COBLL1: variants seen among roughly 807,000 people sequenced by gnomAD.
The protein encoded by COBLL1 is cordon-bleu protein-like 1.
COBLL1 carries 50 observed loss-of-function variants against 94.8 expected under a neutral mutation model. The observed-to-expected ratio is 0.53, with a 90% CI of 0.42 to 0.67. The LOEUF is 0.67. Ranked by LOEUF, COBLL1 falls within the 30% of genes least tolerant of loss-of-function variation. The probability of loss-of-function intolerance (pLI) is 0.00; values close to 1 mark genes in which losing one functional copy is unlikely to be tolerated. For missense variants in COBLL1, 1,362 were observed against 1,348.7 expected, an observed-to-expected ratio of 1.01 and a Z score of -0.15; for synonymous variants, 448 against 473.8, an observed-to-expected ratio of 0.95 and a Z score of 0.71.
intron 2 of COBLL1, among the ~76,000 whole-genome samples, chr2:164,813,011 T>C (rs1684530879): frequency 6.7e-6 from 1 of 150,252 alleles, no homozygotes; most frequent in Admixed American, 6.8e-5. Flanking sequence ...TCAGTACATA[T>C]AAGACCAAAG....
At chr2:164,687,356 G>T in intron 13 of COBLL1, 2 of 714,838 alleles carry the variant, frequency 2.8e-6, no homozygotes, top group Admixed American at 1.9e-5. Flanking sequence ...AGCCATATGA[G>T]CCACTTCTCA....
chr2:164,750,814 T>G (rs905889224), intron 2 of COBLL1, among the ~76,000 whole-genome samples: 1 of 152,186 alleles, frequency 6.6e-6, no homozygotes, highest in Admixed American at 6.5e-5. Flanking sequence ...AGTACTTGGC[T>G]GCCGCACCCC....
At chr2:164,676,036 A>G (rs958741612), downstream of COBLL1, among the ~76,000 whole-genome samples, 2 of 152,230 alleles carry the variant, frequency 1.3e-5, no homozygotes, top group African/African-American at 2.4e-5. Flanking sequence ...AATAGAGTAC[A>G]GGGATTAACA....
intron 9 of COBLL1, 118 bp from the exon 10 acceptor site, chr2:164,700,874 T>C: frequency 3.1e-6 from 2 of 655,102 alleles, no homozygotes; most frequent in East Asian, 5.3e-5. Flanking sequence ...AAATTCTGCC[T>C]CAAAAATAAT....
At chr2:164,677,201 A>C (rs1691353434), downstream of COBLL1, among the ~76,000 whole-genome samples, 1 of 152,144 alleles carries the variant, frequency 6.6e-6, no homozygotes, top group Admixed American at 6.5e-5. Flanking sequence ...ACATTTGCTT[A>C]CTATTATTTA....
chr2:164,690,624 C>A (rs1374210224), intron 13 of COBLL1, among the ~76,000 whole-genome samples: 1 of 152,208 alleles, frequency 6.6e-6, no homozygotes, highest in Non-Finnish European at 1.5e-5. Flanking sequence ...AATATCTTCA[C>A]TGACCTAGTA....
intron 1 of COBLL1, among the ~76,000 whole-genome samples, chr2:164,674,533 T>C (rs1290083746): frequency 6.6e-6 from 1 of 152,214 alleles, no homozygotes; most frequent in Non-Finnish European, 1.5e-5. Context: ...TCCTCATTTA[T>C]AAGACAGAGG....
At chr2:164,791,935 G>C (rs1683209623) in intron 2 of COBLL1, among the ~76,000 whole-genome samples, 1 of 150,774 alleles carries the variant, frequency 6.6e-6, no homozygotes, top group African/African-American at 2.4e-5. Flanking sequence ...AAAACTGACT[G>C]ATCATACACA....
chr2:164,841,400 C>A lies in COBLL1; in HGVS notation c.-50-154G>T. ...TCCACCTGCGGGCCCCGGCTCCCAG[C>A]CCGCGGGCGCCGCCGCCGTCTCTAC... On this transcript the variant is annotated intron_variant, in intron 1 of 13. Transcript: ENST00000652658. The surrounding 1 kb of genome is among the most constrained non-coding windows in gnomAD (Gnocchi z 5.5). The A allele has an allele frequency of 8.6e-7, 1 of 1,168,770 alleles. No homozygotes were observed. The highest frequency in any genetic ancestry group is 1.1e-6 in the Non-Finnish European group (1 of 948,080). 72.4% of individuals were successfully genotyped at this position (1,168,770 alleles called of 1,614,324 possible). A position where few individuals can be genotyped will look rare whatever the true frequency, so the allele number is the denominator to read the frequency against.
intron 2 of COBLL1, among the ~76,000 whole-genome samples, chr2:164,805,337 CTATATATA>C (rs71028444): frequency 1.8e-4 from 3 of 17,054 alleles, no homozygotes; most frequent in South Asian, 2.4e-3. Context: ...CTCTCTCTCT[CTATATATA>C]TATATATATA....
chr2:164,696,589 G>A (rs1683957506), intron 11 of COBLL1: 1 of 152,150 alleles, frequency 6.6e-6, no homozygotes, highest in South Asian at 2.1e-4. Context: ...CAAAATCAAA[G>A]TAGAGAAAAT....
intron 5 of COBLL1, chr2:164,727,012 G>A (rs567446229): frequency 5.1e-5 from 29 of 572,446 alleles, no homozygotes; most frequent in East Asian, 3.9e-4. Flanking sequence ...GAATGAACAC[G>A]TTAGTGATGT....
chr2:164,841,399 G>GC lies in COBLL1; in HGVS notation c.-50-154dup. On this transcript the variant is annotated intron_variant, in intron 1 of 13. Coordinates refer to ENST00000652658, the MANE Select transcript of COBLL1 (RefSeq NM_001365672.2). The surrounding 1 kb of genome is among the most constrained non-coding windows in gnomAD (Gnocchi z 5.5). ...TTCCACCTGCGGGCCCCGGCTCCCA[G>GC]CCCGCGGGCGCCGCCGCCGTCTCTA... 8.6e-7 allele frequency: 1 copy of GC among 1,168,830 alleles called. No homozygotes were observed. The highest frequency in any genetic ancestry group is 1.1e-6 in the Non-Finnish European group (1 of 948,090). 72.4% of individuals were successfully genotyped at this position (1,168,830 alleles called of 1,614,324 possible).
chr2:164,781,741 T>C (rs1688733202), intron 2 of COBLL1, among the ~76,000 whole-genome samples: 1 of 152,160 alleles, frequency 6.6e-6, no homozygotes, highest in Admixed American at 6.5e-5. Flanking sequence ...AAAACATAGA[T>C]CCTGACTTTA....
At chr2:164,740,539 C>T (rs13432056) in intron 3 of COBLL1, among the ~76,000 whole-genome samples, 9,494 of 151,758 alleles carry the variant, frequency 0.063, 373 homozygotes, top group African/African-American at 0.12. Context: ...ATTCCAAGTG[C>T]TTCTTCATAC....
intron 2 of COBLL1, among the ~76,000 whole-genome samples, chr2:164,807,888 C>T (rs934197921): frequency 1.3e-5 from 2 of 152,114 alleles, no homozygotes; most frequent in African/African-American, 2.4e-5. Context: ...GGCAATATCT[C>T]GGCTCACTGC....
At chr2:164,801,208 GGCA>G (rs1233380077) in intron 2 of COBLL1, among the ~76,000 whole-genome samples, 1 of 151,820 alleles carries the variant, frequency 6.6e-6, no homozygotes, top group Non-Finnish European at 1.5e-5. Context: ...GGGAGGCCGA[GGCA>G]GGCGGATCAC....
chr2:164,772,648 C>G (rs2105253757), intron 2 of COBLL1, among the ~76,000 whole-genome samples: 1 of 152,008 alleles, frequency 6.6e-6, no homozygotes, highest in Middle Eastern at 3.4e-3. Flanking sequence ...TTTAAGTCAC[C>G]AAACTTTCAA....
At chr2:164,831,589 C>A (rs1683079819) in intron 2 of COBLL1, among the ~76,000 whole-genome samples, 1 of 151,686 alleles carries the variant, frequency 6.6e-6, no homozygotes, top group African/African-American at 2.4e-5. Context: ...AAATGGGGAA[C>A]AACACATTTT....
Sources: allele counts gnomAD v4.1 joint callset (sites outside exome capture counted in the v4.1 genomes callset), GRCh38; gene constraint gnomAD v4.1.1; non-coding constraint Gnocchi (gnomAD v3.1); transcripts MANE v1.5; gene names NCBI Gene and HGNC (gene_info 2026-07-23, HGNC 2026-07-21).